Variants in LCMT1 observed in about 807,000 individuals in gnomAD.
LCMT1 encodes leucine carboxyl methyltransferase 1, also known as [Phosphatase 2A protein]-leucine-carboxy methyltransferase 1.
In LCMT1, 32 loss-of-function variants were observed where a neutral mutation model predicts 47.7. The ratio of observed to expected loss-of-function variants is 0.67; its 90% CI spans 0.51 to 0.90. LCMT1 has a LOEUF of 0.90. Ranked by LOEUF, LCMT1 falls within the 40% of genes least tolerant of loss-of-function variation. LCMT1 has a pLI of 0.00. For synonymous variants in LCMT1, 152 were observed against 149.7 expected (o/e 1.02, Z -0.11); for missense variants, 375 against 415.2 (o/e 0.90, Z 0.84).
chr16:25,157,685 C>G (rs900503425), intron 5 of LCMT1, among the ~76,000 whole-genome samples: 2 of 152,230 alleles, frequency 1.3e-5, no homozygotes, highest in Non-Finnish European at 2.9e-5. Context: ...AAAACAACAA[C>G]CATCTATTTA....
chr16:25,162,438 A>C (rs1961458463), intron 6 of LCMT1, among the ~76,000 whole-genome samples: 1 of 151,466 alleles, frequency 6.6e-6, no homozygotes. Context: ...AAAATACAAA[A>C]AATCAGCTGG....
chr16:25,132,133 A>G (rs762455711), intron 2 of LCMT1: 4 of 503,052 alleles, frequency 8.0e-6, no homozygotes, highest in African/African-American at 7.8e-5. Flanking sequence ...TAAAACACTT[A>G]TTTTTCATAC....
At chr16:25,174,192 G>C (rs549688979) in intron 9 of LCMT1, among the ~76,000 whole-genome samples, 4 of 152,204 alleles carry the variant, frequency 2.6e-5, no homozygotes, top group African/African-American at 9.6e-5. Flanking sequence ...GATTACAGGC[G>C]TGAGGCACTT....
intron 1 of LCMT1, among the ~76,000 whole-genome samples, chr16:25,117,349 A>G (rs1264054255): frequency 6.6e-6 from 1 of 152,216 alleles, no homozygotes; most frequent in Admixed American, 6.5e-5. Context: ...GCTGCAAGGT[A>G]AACATCTGCA....
intron 1 of LCMT1, among the ~76,000 whole-genome samples, chr16:25,121,245 A>G (rs1361142646): frequency 6.6e-6 from 1 of 151,774 alleles, no homozygotes; most frequent in Non-Finnish European, 1.5e-5. Context: ...CCCCGTCTCT[A>G]CTAAAAATAC....
Position 25,134,011 on chromosome 16 carries a change from G to A in LCMT1, c.327+1488G>A, listed in dbSNP as rs542543250. Among the ~76,000 whole-genome samples, 31 of 147,922 alleles carry A rather than the reference G, an allele frequency of 2.1e-4. No homozygotes were observed. The South Asian group carries it at 4.7e-3, about 23-fold the overall frequency. On this transcript the variant is annotated intron_variant, in intron 3 of 10. Coordinates refer to ENST00000399069, the MANE Select transcript of LCMT1 (RefSeq NM_016309.3). ...CATGCCACCGCACTCCAGCCTGGGC[G>A]ACGAGTGAGACTTCGTCTCTTAAAA...
chr16:25,157,423 T>G (rs2141692002), intron 5 of LCMT1, among the ~76,000 whole-genome samples: 1 of 151,886 alleles, frequency 6.6e-6, no homozygotes, highest in South Asian at 2.1e-4. Context: ...GGCATGGTGG[T>G]GCACGTCTGT....
At position 25,169,120 on chromosome 16, in the gene LCMT1, G is replaced by A. The variant is rs1961673316; in HGVS notation, c.699G>A (p.Met233Ile). ...AMFINYEQVNMGDRFGQIMIE... is the reference protein window; with the variant it reads ...AMFINYEQVNIGDRFGQIMIE... ...TTCTCTTTCCCTCCTAGGTGAACAT[G>A]GGTGATCGGTTTGGGCAGATCATGA... The change falls in exon 8 of 11, where the codon ATG (methionine) becomes ATA (isoleucine). Residue 233 changes from methionine to isoleucine, a missense_variant. Physicochemically the swap from Met to Ile is conservative, Grantham distance 10. Coordinates refer to ENST00000399069, the MANE Select transcript of LCMT1 (RefSeq NM_016309.3). 1.9e-6 allele frequency: 3 copies of A among 1,611,720 alleles called. No individual in the cohort carries two copies. In the African/African-American group the frequency reaches 4.0e-5, roughly 22 times the overall value.
chr16:25,121,554 C>T (rs1169442319), intron 1 of LCMT1, among the ~76,000 whole-genome samples: 2 of 151,968 alleles, frequency 1.3e-5, no homozygotes, highest in African/African-American at 4.8e-5. Flanking sequence ...ATACCTGAGA[C>T]TGGGTAATTT....
intron 5 of LCMT1, among the ~76,000 whole-genome samples, chr16:25,156,908 C>T (rs532897356): frequency 7.3e-5 from 11 of 150,300 alleles, no homozygotes; most frequent in East Asian, 3.9e-4. Context: ...CTGTACAGTC[C>T]GGAAATCTGC....
At chr16:25,128,302 G>A (rs1006606536) in intron 1 of LCMT1, among the ~76,000 whole-genome samples, 173 bp from the exon 2 acceptor site, 4 of 152,210 alleles carry the variant, frequency 2.6e-5, no homozygotes, top group Non-Finnish European at 4.4e-5. Context: ...AAAGATGAAT[G>A]GATGGCTGCG....
chr16:25,123,375 C>T (rs1960056764), intron 1 of LCMT1, among the ~76,000 whole-genome samples: 1 of 151,496 alleles, frequency 6.6e-6, no homozygotes, highest in Non-Finnish European at 1.5e-5. Flanking sequence ...CAGACATGCA[C>T]CACCATGCCC....
intron 2 of LCMT1, among the ~76,000 whole-genome samples, chr16:25,129,907 G>A (rs747308783): frequency 8.5e-5 from 13 of 152,320 alleles, no homozygotes; most frequent in African/African-American, 1.2e-4. Context: ...TCTAGAGGAC[G>A]TGGGTCTTTT....
intron 2 of LCMT1, among the ~76,000 whole-genome samples, chr16:25,131,394 G>C (rs1196072645): frequency 6.6e-6 from 1 of 152,214 alleles, no homozygotes; most frequent in Non-Finnish European, 1.5e-5. Flanking sequence ...CTCCCAAATG[G>C]TGTATGGTGA....
At chr16:25,130,980 A>G (rs1960335241) in intron 2 of LCMT1, among the ~76,000 whole-genome samples, 1 of 152,246 alleles carries the variant, frequency 6.6e-6, no homozygotes, top group Non-Finnish European at 1.5e-5. Context: ...GAGAGGGAAG[A>G]GATGGAGAAT....
chr16:25,160,212 G>C (rs1961382621), intron 5 of LCMT1, among the ~76,000 whole-genome samples: 1 of 152,196 alleles, frequency 6.6e-6, no homozygotes, highest in Non-Finnish European at 1.5e-5. Context: ...CTCCCAAAGT[G>C]TTGGGATTAC....
chr16:25,154,984 A>T (rs1343771279), intron 5 of LCMT1, among the ~76,000 whole-genome samples: 1 of 152,240 alleles, frequency 6.6e-6, no homozygotes, highest in African/African-American at 2.4e-5. Context: ...GCGAACTGAT[A>T]CGTGATCTTA....
At position 25,125,785 on chromosome 16, in the gene LCMT1, T is replaced by C. The variant is rs1479921464; in HGVS notation, c.114-2690T>C. ...AGGCGGGGGTTGCAGTGAGCCGAGA[T>C]CACGCCATTGCACTCCAGCCTGGAC... On this transcript the variant is annotated intron_variant, in intron 1 of 10. Transcript: ENST00000399069. Among the ~76,000 whole-genome samples, 37 of 151,506 alleles carry C rather than the reference T, an allele frequency of 2.4e-4. 1 individual carries two copies. Among genetic ancestry groups the C allele is most frequent in the Admixed American group, 2.4e-3 (37 of 15,176 alleles).
At chr16:25,130,252 A>G (rs1033880270) in intron 2 of LCMT1, among the ~76,000 whole-genome samples, 1 of 150,762 alleles carries the variant, frequency 6.6e-6, no homozygotes. Flanking sequence ...AGGCAGGAGA[A>G]TGGCGTGAAC....
Sources: gnomAD v4.1 joint callset for allele counts (sites outside exome capture counted in the v4.1 genomes callset) on GRCh38, gnomAD v4.1.1 for gene constraint, MANE v1.5 for transcripts, NCBI Gene and HGNC (gene_info 2026-07-23, HGNC 2026-07-21) for gene names.